The following MCF2L variants were observed in gnomAD, a reference collection of about 807,000 sequenced individuals.
MCF2L encodes the protein MCF.2 cell line derived transforming sequence like.
A neutral mutation model predicts 153.4 loss-of-function variants in MCF2L; 97 were observed. The ratio of observed to expected loss-of-function variants is 0.63; its 90% confidence interval spans 0.54 to 0.75. The LOEUF is 0.75. Ranked by LOEUF, MCF2L falls within the 30% of genes least tolerant of loss-of-function variation. The probability of loss-of-function intolerance (pLI) is 0.00; values close to 1 mark genes in which losing one functional copy is unlikely to be tolerated. For synonymous variants in MCF2L, 659 were observed against 632.2 expected (o/e 1.04, Z -0.64); for missense variants, 1,347 against 1,495.2 (o/e 0.90, Z 1.64).
At chr13:112,962,304 C>T (rs553396915) in intron 2 of MCF2L, among the ~76,000 whole-genome samples, 3 of 152,210 alleles carry the variant, frequency 2.0e-5, no homozygotes, top group Non-Finnish European at 4.4e-5. Flanking sequence ...TACACACACT[C>T]AGGCACATGC....
At position 112,907,967 on chromosome 13, in the gene MCF2L, T is replaced by C. The variant is rs941774882; in HGVS notation, c.169+5596T>C. Among the ~76,000 whole-genome samples the C allele has an allele frequency of 1.3e-5, 2 of 152,234 alleles. No individual in the cohort carries two copies. The highest frequency in any genetic ancestry group is 3.9e-4 in the East Asian group (2 of 5,192). Reference sequence around the variant, plus strand: ...ATGGTACTTGCAGTGTGGCTGTCAATGATTAACTTCTTGTTTTCAACCTTT... The same window carrying C: ...ATGGTACTTGCAGTGTGGCTGTCAACGATTAACTTCTTGTTTTCAACCTTT... On this transcript the variant is annotated intron_variant, in intron 2 of 29. Coordinates refer to the MCF2L transcript ENST00000375608. This position sits in a 1 kb window ranked among gnomAD's most constrained non-coding sequence, Gnocchi z 5.1.
chr13:112,984,338 G>A (rs905908318), intron 1 of MCF2L, among the ~76,000 whole-genome samples: 6 of 151,950 alleles, frequency 3.9e-5, no homozygotes, highest in East Asian at 1.9e-4. Flanking sequence ...GGGTTCAAGC[G>A]ATTCTCCTGC....
intron 8 of MCF2L, among the ~76,000 whole-genome samples, chr13:113,069,727 A>C (rs2032676112): frequency 6.6e-6 from 1 of 152,258 alleles, no homozygotes; most frequent in Non-Finnish European, 1.5e-5. Context: ...CCTATCTCAA[A>C]AAATAAATTT....
At chr13:113,022,102 G>A (rs888136522) in intron 2 of MCF2L, among the ~76,000 whole-genome samples, 1 of 152,124 alleles carries the variant, frequency 6.6e-6, no homozygotes, top group Admixed American at 6.5e-5. Flanking sequence ...GCTGGCCTCT[G>A]GGGGTCCCCG....
At chr13:112,997,480 C>T (rs1012006406) in intron 1 of MCF2L, among the ~76,000 whole-genome samples, 2 of 152,188 alleles carry the variant, frequency 1.3e-5, no homozygotes, top group African/African-American at 4.8e-5. Context: ...ACCTTTGCCC[C>T]GTGTCCACTG....
intron 2 of MCF2L, chr13:112,909,610 G>T: frequency 5.9e-6 from 2 of 338,744 alleles, no homozygotes; most frequent in East Asian, 9.3e-5. Context: ...AGGATCTGAT[G>T]GAAACAAGAA....
intron 3 of MCF2L, among the ~76,000 whole-genome samples, chr13:113,041,291 A>G (rs781302308): frequency 1.8e-4 from 28 of 152,196 alleles, no homozygotes; most frequent in Non-Finnish European, 3.4e-4. Flanking sequence ...AGATGTGGGC[A>G]TAGATCCGAG....
intron 2 of MCF2L, among the ~76,000 whole-genome samples, chr13:112,938,002 TCAAGTGAGTGCTGATG>T (rs2081536739): frequency 3.6e-5 from 1 of 27,492 alleles, no homozygotes; most frequent in African/African-American, 1.3e-4. Context: ...ATTGGTTGGT[TCAAGTGAGTGCTGATG>T]GATTGGTTCA....
intron 2 of MCF2L, among the ~76,000 whole-genome samples, chr13:112,953,956 G>T (rs1457007383): frequency 1.3e-5 from 2 of 152,232 alleles, no homozygotes; most frequent in Admixed American, 1.3e-4. Flanking sequence ...TTGGGAAAAG[G>T]GTCTCTGTGT....
intron 17 of MCF2L, among the ~76,000 whole-genome samples, chr13:113,082,844 C>G (rs116604534): frequency 6.6e-6 from 1 of 152,172 alleles, no homozygotes; most frequent in Non-Finnish European, 1.5e-5. Context: ...AAATGGGACC[C>G]GCCTGCCCCT....
chr13:113,076,093 A>C lies in MCF2L; in HGVS notation c.1436A>C (p.Asn479Thr). Reference protein sequence around the residue: ...IEKFLETGAENKIQELNAIYK... With the variant: ...IEKFLETGAETKIQELNAIYK... ...AAGTTTTTGGAGACCGGTGCGGAAA[A>C]TAAGATCCAGGAGCTCAACGCGATT... The change falls in exon 12 of 30, where the codon AAT (asparagine) becomes ACT (threonine). Residue 479 changes from asparagine (N) to threonine (T), a missense_variant. Asn to Thr is a moderately conservative substitution (Grantham distance 65, BLOSUM62 0). Coordinates refer to ENST00000535094, the MANE Select transcript of MCF2L (RefSeq NM_001112732.3). 6.2e-7 allele frequency: 1 copy of C among 1,614,040 alleles called. No individual in the cohort carries two copies. The highest frequency in any genetic ancestry group is 1.1e-5 in the South Asian group (1 of 91,080).
At chr13:113,095,960 C>T in intron 27 of MCF2L, 2 of 433,730 alleles carry the variant, frequency 4.6e-6, no homozygotes, top group South Asian at 5.9e-5. Context: ...GGAGGTTGGG[C>T]AGGACAGCTG....
At position 112,915,708 on chromosome 13, in the gene MCF2L, T is replaced by C. The variant is rs533239070; in HGVS notation, c.169+13337T>C. ...ACAAATCTGCAGATAATCATGGTTT[T>C]CTTTCTTGTCAATTTTTGTGCTTCC... On this transcript the variant is annotated intron_variant, in intron 2 of 29. Transcript: ENST00000375608. Among the ~76,000 whole-genome samples, 19 of 152,242 alleles carry C rather than the reference T, an allele frequency of 1.2e-4. No homozygotes were observed. In the South Asian group the frequency reaches 3.5e-3, roughly 28 times the overall value.
Position 112,932,732 on chromosome 13 carries a change from G to A in MCF2L, c.169+30361G>A, listed in dbSNP as rs953499985. Among the ~76,000 whole-genome samples, 1 of 152,128 alleles carries A rather than the reference G, an allele frequency of 6.6e-6. No individual in the cohort carries two copies. Among genetic ancestry groups the A allele is most frequent in the East Asian group, 1.9e-4 (1 of 5,178 alleles). ...CATAGGTATCTGTATTTTAGCAAAA[G>A]AGAAATAAACGACTTTGGCTGGGTG... On this transcript the variant is annotated intron_variant, in intron 2 of 29. Coordinates refer to the MCF2L transcript ENST00000375608. This position sits in a 1 kb window ranked among gnomAD's most constrained non-coding sequence, Gnocchi z 4.6.
At chr13:112,897,339 C>A (rs574941696) in intron 1 of MCF2L, among the ~76,000 whole-genome samples, 1 of 152,042 alleles carries the variant, frequency 6.6e-6, no homozygotes, top group African/African-American at 2.4e-5. Context: ...CAGCATGAAC[C>A]GGACTCAGTT....
In MCF2L at chr13:113,030,379, G is replaced by T. The variant is rs1284750285; in HGVS notation, c.278+5621G>T. 4.7e-4 allele frequency among the ~76,000 whole-genome samples: 52 copies of T among 110,462 alleles called. 1 individual carries two copies. Among genetic ancestry groups the T allele is most frequent in the African/African-American group, 1.9e-3 (48 of 25,126 alleles). 72.5% of individuals were successfully genotyped at this position (110,462 alleles called of 152,430 possible). A position where few individuals can be genotyped will look rare whatever the true frequency, so the allele number is the denominator to read the frequency against. On this transcript the variant is annotated intron_variant, in intron 3 of 29. Coordinates refer to ENST00000535094, the MANE Select transcript of MCF2L (RefSeq NM_001112732.3). ...CAGGTGTCCGCTGACGCAGGTGTGG[G>T]CCCTCGGGTGTCCGCCGACGCAGAT...
chr13:112,999,424 C>T (rs1032289956), intron 1 of MCF2L, among the ~76,000 whole-genome samples: 2 of 152,234 alleles, frequency 1.3e-5, no homozygotes, highest in Non-Finnish European at 2.9e-5. Context: ...CCTCTGGCAC[C>T]GCTCACTCAC....
At chr13:113,076,948 T>C (rs1192069315) in intron 12 of MCF2L, 104 bp from the exon 13 acceptor site, 20 of 1,264,952 alleles carry the variant, frequency 1.6e-5, no homozygotes, top group Admixed American at 6.5e-5. Context: ...GGAGAACATT[T>C]AAAGCGGGGG....
chr13:112,966,133 C>T (rs2081890809), upstream of MCF2L: 1 of 152,258 alleles, frequency 6.6e-6, no homozygotes, highest in African/African-American at 2.4e-5. The surrounding 1 kb of genome is among the most constrained non-coding windows in gnomAD (Gnocchi z 4.1). Context: ...ACCTGGAGCG[C>T]CTAGTGCTCC....
Sources: allele counts gnomAD v4.1 joint callset (sites outside exome capture counted in the v4.1 genomes callset), GRCh38; gene constraint gnomAD v4.1.1; non-coding constraint Gnocchi (gnomAD v3.1); transcripts MANE v1.5; gene names NCBI Gene and HGNC (gene_info 2026-07-23, HGNC 2026-07-21).